CTNNA2: variants seen among roughly 807,000 people sequenced by gnomAD.
CTNNA2 encodes the protein catenin alpha-2.
Under a neutral mutation model 101.0 loss-of-function variants are expected in CTNNA2, and 42 were observed. That is an observed-to-expected ratio of 0.42 (90% CI 0.32 to 0.54). The LOEUF (loss-of-function observed/expected upper bound fraction) is 0.54, where lower values mean the gene tolerates loss of function less well. Ranked by LOEUF, CTNNA2 falls within the 20% of genes least tolerant of loss-of-function variation. CTNNA2 has a pLI of 0.14. For synonymous variants in CTNNA2, 450 were observed against 456.4 expected (o/e 0.99, Z 0.18); for missense variants, 871 against 1,223.1 (o/e 0.71, Z 4.29).
At chr2:79,981,481 T>G (rs1691264491) in intron 7 of CTNNA2, among the ~76,000 whole-genome samples, 1 of 152,172 alleles carries the variant, frequency 6.6e-6, no homozygotes, top group African/African-American at 2.4e-5. Flanking sequence ...CTATTTTATT[T>G]GTTCACTTAC....
upstream of CTNNA2, among the ~76,000 whole-genome samples, chr2:79,509,063 T>C (rs1022261908): frequency 1.4e-5 from 2 of 140,370 alleles, no homozygotes; most frequent in Non-Finnish European, 3.1e-5. Context: ...AAAATGAAAA[T>C]TAGAGTTAGA....
intron 7 of CTNNA2, among the ~76,000 whole-genome samples, chr2:79,922,349 T>G (rs1197253194): frequency 6.6e-6 from 1 of 152,164 alleles, no homozygotes; most frequent in Non-Finnish European, 1.5e-5. Context: ...GTCTGCACAC[T>G]TGGGTGTTAG....
At chr2:79,744,051 C>G (rs1470161861) in intron 2 of CTNNA2, among the ~76,000 whole-genome samples, 1 of 152,120 alleles carries the variant, frequency 6.6e-6, no homozygotes, top group African/African-American at 2.4e-5. Context: ...CCTTGCCACC[C>G]TGAGGCTGGG....
At chr2:79,262,904 ACC>A (rs1243360915) in intron 2 of CTNNA2, among the ~76,000 whole-genome samples, 1 of 152,202 alleles carries the variant, frequency 6.6e-6, no homozygotes, top group Non-Finnish European at 1.5e-5. Context: ...TCAAGTCCCT[ACC>A]ACCATTCTAG....
intron 15 of CTNNA2, chr2:80,601,568 C>T (rs1426801491): frequency 6.6e-6 from 1 of 151,492 alleles, no homozygotes. Flanking sequence ...TTCACATTTA[C>T]TTACATATAT....
chr2:80,087,284 T>C (rs563382365), intron 7 of CTNNA2, among the ~76,000 whole-genome samples: 1 of 152,042 alleles, frequency 6.6e-6, no homozygotes, highest in Non-Finnish European at 1.5e-5. Context: ...GATATAGGAA[T>C]ACACAGGTAC....
intron 1 of CTNNA2, among the ~76,000 whole-genome samples, chr2:79,569,918 A>G (rs979341983): frequency 6.6e-6 from 1 of 152,230 alleles, no homozygotes; most frequent in African/African-American, 2.4e-5. Context: ...ACTGTGGTCT[A>G]TTATGACTAA....
chr2:80,222,074 C>G (rs1402301290), intron 7 of CTNNA2, among the ~76,000 whole-genome samples: 1 of 152,138 alleles, frequency 6.6e-6, no homozygotes, highest in Non-Finnish European at 1.5e-5. Flanking sequence ...GGAGAGCAAA[C>G]CAACACATCC....
intron 3 of CTNNA2, among the ~76,000 whole-genome samples, chr2:79,767,709 TG>T (rs1673265150): frequency 6.6e-6 from 1 of 151,980 alleles, no homozygotes; most frequent in Non-Finnish European, 1.5e-5. Context: ...TATGGCCTAG[TG>T]TGTGTCTAGA....
intron 9 of CTNNA2, among the ~76,000 whole-genome samples, chr2:80,523,900 T>C (rs1190314816): frequency 2.6e-5 from 4 of 152,008 alleles, no homozygotes; most frequent in Non-Finnish European, 5.9e-5. Flanking sequence ...TTAGGGGAAA[T>C]TGGTTGAGGA....
At chr2:80,014,146 A>G (rs1221477059) in intron 7 of CTNNA2, among the ~76,000 whole-genome samples, 4 of 152,196 alleles carry the variant, frequency 2.6e-5, no homozygotes, top group Non-Finnish European at 1.5e-5. Flanking sequence ...TTTATTGCTC[A>G]TTGACTGGTA....
intron 7 of CTNNA2, among the ~76,000 whole-genome samples, chr2:80,062,702 CTTTTTTTTTTTT>C (rs70940073): frequency 8.5e-6 from 1 of 117,508 alleles, no homozygotes; most frequent in African/African-American, 3.5e-5. Flanking sequence ...GCACTGTGAT[CTTTTTTTTTTTT>C]TTTTTTTTTG....
At chr2:79,415,167 C>T (rs1471311669) in intron 4 of CTNNA2, among the ~76,000 whole-genome samples, 1 of 152,078 alleles carries the variant, frequency 6.6e-6, no homozygotes, top group Non-Finnish European at 1.5e-5. Flanking sequence ...GGCTTCTTGC[C>T]ATCCCTTTGG....
Position 79,498,887 on chromosome 2 carries a change from C to T in CTNNA2, c.-134-6167C>T, listed in dbSNP as rs559027164. 13 of 152,214 alleles carry T rather than the reference C, an allele frequency of 8.5e-5. No individual in the cohort carries two copies. The South Asian group carries it at 1.7e-3, about 19-fold the overall frequency. The allele number at this position is 152,214 out of a possible 1,614,324, so 9.4% of individuals were successfully genotyped here. The stretch of plus-strand genomic sequence containing the variant: ...GTGTATTTGAAATAATTTGCTTTTC[C>T]GAGCAGAGGCAGAAAAGAATGATAT... On this transcript the variant is annotated intron_variant, in intron 4 of 21. Coordinates refer to the CTNNA2 transcript ENST00000466387.
intron 4 of CTNNA2, among the ~76,000 whole-genome samples, chr2:79,392,284 C>A (rs530215775): frequency 6.6e-6 from 1 of 152,142 alleles, no homozygotes; most frequent in Admixed American, 6.5e-5. Flanking sequence ...AGTCCCCATA[C>A]CTAGAAATTC....
At chr2:79,861,219 A>T (rs571199756) in intron 4 of CTNNA2, among the ~76,000 whole-genome samples, 1 of 152,194 alleles carries the variant, frequency 6.6e-6, no homozygotes, top group Non-Finnish European at 1.5e-5. Flanking sequence ...TAACTGCTAC[A>T]TATCTCTTTT....
At chr2:80,621,176 C>T (rs1160335378) in intron 18 of CTNNA2, among the ~76,000 whole-genome samples, 2 of 151,812 alleles carry the variant, frequency 1.3e-5, no homozygotes, top group Non-Finnish European at 2.9e-5. Flanking sequence ...CAGTTTTTCT[C>T]ATCTGTAAAA....
intron 2 of CTNNA2, chr2:79,697,739 T>C (rs1003046325): frequency 1.1e-4 from 16 of 152,180 alleles, no homozygotes; most frequent in African/African-American, 3.9e-4. Context: ...CCAGAGTCTG[T>C]TGTTAAAAAA....
intron 2 of CTNNA2, among the ~76,000 whole-genome samples, chr2:79,289,197 A>G (rs1404250196): frequency 6.6e-6 from 1 of 152,204 alleles, no homozygotes; most frequent in East Asian, 1.9e-4. Context: ...TATAGATTCC[A>G]CCTCCTCAGT....
Sources: allele counts gnomAD v4.1 joint callset (sites outside exome capture counted in the v4.1 genomes callset), GRCh38; gene constraint gnomAD v4.1.1; transcripts MANE v1.5; gene names NCBI Gene and HGNC (gene_info 2026-07-23, HGNC 2026-07-21).